SLC24A3: variants seen among roughly 807,000 people sequenced by gnomAD.
SLC24A3 encodes sodium/potassium/calcium exchanger 3.
Under a neutral mutation model 75.8 loss-of-function variants are expected in SLC24A3, and 28 were observed. The ratio of observed to expected loss-of-function variants is 0.37; its 90% CI spans 0.27 to 0.51. The LOEUF (loss-of-function observed/expected upper bound fraction) is 0.51, where lower values mean the gene tolerates loss of function less well. SLC24A3 is among the 20% of genes least tolerant of loss of function. The pLI, the probability that SLC24A3 is intolerant of heterozygous loss-of-function variation, is 0.94. For missense variants in SLC24A3, 663 were observed against 847.8 expected (o/e 0.78, Z 2.71); for synonymous variants, 372 against 334.1 (o/e 1.11, Z -1.24).
intron 2 of SLC24A3, among the ~76,000 whole-genome samples, chr20:19,372,115 G>A (rs1177882143): frequency 6.6e-6 from 1 of 152,216 alleles, no homozygotes; most frequent in African/African-American, 2.4e-5. Context: ...ACAAGGAACA[G>A]TAAATAAACT....
At chr20:19,379,564 G>A (rs960867282) in intron 2 of SLC24A3, among the ~76,000 whole-genome samples, 2 of 152,200 alleles carry the variant, frequency 1.3e-5, no homozygotes, top group South Asian at 4.1e-4. Context: ...ACTGTCCATG[G>A]GCCATGGTGA....
intron 2 of SLC24A3, among the ~76,000 whole-genome samples, chr20:19,412,473 A>T (rs6515003): frequency 0.36 from 54,501 of 151,496 alleles, 10,918 homozygotes; most frequent in Middle Eastern, 0.55. Flanking sequence ...AAATAAGGAG[A>T]AGGAGGGAGA....
At chr20:19,435,667 G>GCA (rs1987186931) in intron 2 of SLC24A3, among the ~76,000 whole-genome samples, 1 of 152,184 alleles carries the variant, frequency 6.6e-6, no homozygotes, top group Admixed American at 6.5e-5. Flanking sequence ...CCCCTGACAA[G>GCA]CACTGACCTG....
At chr20:19,544,754 A>C (rs1320861882) in intron 3 of SLC24A3, among the ~76,000 whole-genome samples, 1 of 152,198 alleles carries the variant, frequency 6.6e-6, no homozygotes, top group Non-Finnish European at 1.5e-5. Context: ...TCCACATTGG[A>C]TCCAAGATGG....
intron 3 of SLC24A3, among the ~76,000 whole-genome samples, chr20:19,562,131 C>G (rs757301216): frequency 1.3e-5 from 2 of 152,150 alleles, no homozygotes; most frequent in Non-Finnish European, 2.9e-5. Flanking sequence ...CTTCTTGCTT[C>G]TTCTGAGCCC....
rs559031652 is a variant in SLC24A3 at position 19,722,551 on chromosome 20, C to T, written c.*1411C>T. 24 of 152,786 alleles carry T rather than the reference C, an allele frequency of 1.6e-4. No individual in the cohort carries two copies. The highest frequency in any genetic ancestry group is 5.8e-4 in the African/African-American group (24 of 41,558). The allele number at this position is 152,786 out of a possible 1,614,324, so 9.5% of individuals were successfully genotyped here. On this transcript the variant is annotated 3_prime_UTR_variant, in exon 17 of 17. Transcript: ENST00000328041. Reference sequence around the variant, plus strand: ...CCAGTTGAGACACACCATGCTTGTTCACTTGTATTTATTGAAACTGTGGAT... The same window carrying T: ...CCAGTTGAGACACACCATGCTTGTTTACTTGTATTTATTGAAACTGTGGAT...
At chr20:19,442,251 G>T (rs1444922408) in intron 2 of SLC24A3, among the ~76,000 whole-genome samples, 1 of 152,140 alleles carries the variant, frequency 6.6e-6, no homozygotes, top group Non-Finnish European at 1.5e-5. Context: ...CAATCATATG[G>T]TAAAAGTATG....
In SLC24A3 at chr20:19,636,089, A is replaced by C. The variant is rs189721622; in HGVS notation, c.613-17973A>C. ...CGGGAGGCAGAGCTTGCAATGAGCC[A>C]AGATCGTGCCACTGCACTTCAGCCT... On this transcript the variant is annotated intron_variant, in intron 6 of 16. Coordinates refer to ENST00000328041, the MANE Select transcript of SLC24A3 (RefSeq NM_020689.4). 1.9e-4 allele frequency among the ~76,000 whole-genome samples: 29 copies of C among 152,314 alleles called. No homozygotes were observed. The East Asian group carries it at 4.4e-3, about 23-fold the overall frequency.
intron 3 of SLC24A3, among the ~76,000 whole-genome samples, chr20:19,551,375 C>G (rs2030690858): frequency 6.6e-6 from 1 of 152,016 alleles, no homozygotes; most frequent in African/African-American, 2.4e-5. Flanking sequence ...TGGACAAGAC[C>G]CTTGGAGAAG....
chr20:19,247,659 G>T (rs1982534109), intron 1 of SLC24A3, among the ~76,000 whole-genome samples: 1 of 152,194 alleles, frequency 6.6e-6, no homozygotes, highest in Admixed American at 6.5e-5. Context: ...ATCAGATTTT[G>T]AAGACTTCGT....
At chr20:19,525,881 G>A (rs659563) in intron 3 of SLC24A3, among the ~76,000 whole-genome samples, 24,995 of 152,056 alleles carry the variant, frequency 0.16, 2,496 homozygotes, top group East Asian at 0.31. Flanking sequence ...GCGGCTGTGC[G>A]GTGAGGATTC....
chr20:19,604,029 CACTT>C (rs1470430952), intron 6 of SLC24A3, among the ~76,000 whole-genome samples: 33 of 152,330 alleles, frequency 2.2e-4, no homozygotes, highest in African/African-American at 7.5e-4. Flanking sequence ...GTGGTCCAGT[CACTT>C]ACTCCATCGG....
chr20:19,647,952 G>A (rs2032158336), intron 6 of SLC24A3, among the ~76,000 whole-genome samples: 1 of 152,198 alleles, frequency 6.6e-6, no homozygotes, highest in Non-Finnish European at 1.5e-5. Context: ...TTTATTTTGT[G>A]TTCCTGGTTG....
chr20:19,384,183 TTAA>T (rs1478021470), intron 2 of SLC24A3, among the ~76,000 whole-genome samples: 1 of 152,212 alleles, frequency 6.6e-6, no homozygotes, highest in Non-Finnish European at 1.5e-5. Flanking sequence ...TTGTTTCATG[TTAA>T]TAATATTTAA....
intron 1 of SLC24A3, among the ~76,000 whole-genome samples, chr20:19,267,102 T>A (rs1983188611): frequency 6.6e-6 from 1 of 152,152 alleles, no homozygotes; most frequent in Non-Finnish European, 1.5e-5. Context: ...GAACAAAACG[T>A]GGATTTTTCT....
chr20:19,483,124 A>G (rs936948970), intron 2 of SLC24A3, among the ~76,000 whole-genome samples: 1 of 152,202 alleles, frequency 6.6e-6, no homozygotes, highest in African/African-American at 2.4e-5. Flanking sequence ...ATGGCTGCTA[A>G]GGCCAGGCAC....
At chr20:19,326,702 A>T (rs113286984) in intron 2 of SLC24A3, among the ~76,000 whole-genome samples, 4,150 of 151,564 alleles carry the variant, frequency 0.027, 205 homozygotes, top group African/African-American at 0.096. Context: ...TTCAGTCTCC[A>T]GAGTAGCTGG....
chr20:19,239,495 G>C (rs2122161349), intron 1 of SLC24A3, among the ~76,000 whole-genome samples: 1 of 152,328 alleles, frequency 6.6e-6, no homozygotes, highest in East Asian at 1.9e-4. Context: ...AACACAAGAG[G>C]CACTGGGTGC....
chr20:19,428,812 G>T (rs1160612473), intron 2 of SLC24A3, among the ~76,000 whole-genome samples: 2 of 152,176 alleles, frequency 1.3e-5, no homozygotes, highest in African/African-American at 4.8e-5. Flanking sequence ...AACCTGCCCT[G>T]CCCAGGAGGT....
Sources: gnomAD v4.1 joint callset for allele counts (sites outside exome capture counted in the v4.1 genomes callset) on GRCh38, gnomAD v4.1.1 for gene constraint, MANE v1.5 for transcripts, NCBI Gene and HGNC (gene_info 2026-07-23, HGNC 2026-07-21) for gene names.